IGF1R: variants seen among roughly 807,000 people sequenced by gnomAD.
IGF1R encodes insulin-like growth factor 1 receptor.
In IGF1R, 44 loss-of-function variants were observed where a neutral mutation model predicts 144.6. The ratio of observed to expected loss-of-function variants is 0.30; its 90% confidence interval spans 0.24 to 0.39. The LOEUF is 0.39. IGF1R is among the 10% of genes least tolerant of loss of function. The probability of loss-of-function intolerance (pLI) is 1.00; values close to 1 mark genes in which losing one functional copy is unlikely to be tolerated. For missense variants in IGF1R, 1,355 were observed against 1,833.7 expected (o/e 0.74, Z 4.77); for synonymous variants, 795 against 722.8 (o/e 1.10, Z -1.60).
chr15:98,918,918 A>G (rs1596449290), intron 10 of IGF1R, among the ~76,000 whole-genome samples: 1 of 150,794 alleles, frequency 6.6e-6, no homozygotes, highest in South Asian at 2.1e-4. Context: ...AGGGCCTGCG[A>G]GGCCCTCATG....
chr15:98,949,379 C>T (rs989282111), intron 20 of IGF1R, among the ~76,000 whole-genome samples: 6 of 135,336 alleles, frequency 4.4e-5, no homozygotes, highest in South Asian at 2.4e-4. Context: ...TCTCACTGCA[C>T]TTTTTTTTTT....
chr15:98,841,017 T>G (rs2011165048), intron 2 of IGF1R, among the ~76,000 whole-genome samples: 1 of 152,072 alleles, frequency 6.6e-6, no homozygotes, highest in South Asian at 2.1e-4. Context: ...GCTTGTAGCC[T>G]CCCGAAGTGC....
At chr15:98,739,591 A>G (rs1282199435) in intron 2 of IGF1R, among the ~76,000 whole-genome samples, 1 of 145,886 alleles carries the variant, frequency 6.9e-6, no homozygotes, top group East Asian at 2.0e-4. Flanking sequence ...AGCCTGTGAA[A>G]AATGGTACCT....
intron 2 of IGF1R, among the ~76,000 whole-genome samples, chr15:98,780,577 AGAGAG>A: frequency 1.1e-4 from 1 of 9,204 alleles, no homozygotes; most frequent in Non-Finnish European, 4.4e-4. Flanking sequence ...AAAAAAAAAG[AGAGAG>A]AGAGTAAATA....
intron 2 of IGF1R, among the ~76,000 whole-genome samples, chr15:98,840,368 T>C (rs1201338490): frequency 6.6e-6 from 1 of 152,254 alleles, no homozygotes; most frequent in Non-Finnish European, 1.5e-5. Context: ...TGTTATCATC[T>C]AAACCAATGG....
At chr15:98,833,459 C>T (rs914832659) in intron 2 of IGF1R, among the ~76,000 whole-genome samples, 3 of 152,112 alleles carry the variant, frequency 2.0e-5, no homozygotes, top group Non-Finnish European at 4.4e-5. Context: ...TGGAAGTGAG[C>T]GATTCTCTTT....
intron 15 of IGF1R, among the ~76,000 whole-genome samples, chr15:98,931,163 A>G (rs369230838): frequency 6.6e-6 from 1 of 152,184 alleles, no homozygotes; most frequent in African/African-American, 2.4e-5. Context: ...GGAGAATGGA[A>G]TCACTGTGGA....
intron 15 of IGF1R, among the ~76,000 whole-genome samples, chr15:98,931,910 A>G (rs886279259): frequency 6.6e-6 from 1 of 152,194 alleles, no homozygotes; most frequent in African/African-American, 2.4e-5. Context: ...TCTAAAAAGA[A>G]AATCAGTAAG....
Position 98,835,080 on chromosome 15 carries a change from T to TACACACACACACACACAC in IGF1R, c.641-56232_641-56215dup, listed in dbSNP as rs34443123. On this transcript the variant is annotated intron_variant, in intron 2 of 20. Transcript: ENST00000650285. ...GGCCAGGGCAAGAGAACACCCCCCCTACACACACACACACACACACACACA... is the reference window on the plus strand; with the variant it reads ...GGCCAGGGCAAGAGAACACCCCCCCTACACACACACACACACACACACACACACACACACACACACACA... Among the ~76,000 whole-genome samples the TACACACACACACACACAC allele has an allele frequency of 1.5e-3, 194 of 130,488 alleles. 4 individuals are homozygous for TACACACACACACACACAC. Among genetic ancestry groups the TACACACACACACACACAC allele is most frequent in the African/African-American group, 5.7e-3 (175 of 30,768 alleles). 85.6% of individuals were successfully genotyped at this position (130,488 alleles called of 152,430 possible). A position where few individuals can be genotyped will look rare whatever the true frequency, so the allele number is the denominator to read the frequency against.
chr15:98,962,466 A>G lies in IGF1R; in HGVS notation c.*5024A>G. On this transcript the variant is annotated 3_prime_UTR_variant, in exon 21 of 21. Coordinates refer to ENST00000650285, the MANE Select transcript of IGF1R (RefSeq NM_000875.5). ...CACTCTGAAGTAGCTGGTGGTACAA[A>G]TGAGAACTTCAAGAGAGGATGTTAT... The G allele has an allele frequency of 4.3e-6, 1 of 233,778 alleles. No individual in the cohort carries two copies. Among genetic ancestry groups the G allele is most frequent in the Non-Finnish European group, 8.5e-6 (1 of 118,060 alleles). 14.5% of individuals were successfully genotyped at this position (233,778 alleles called of 1,614,324 possible).
At chr15:98,713,450 A>G (rs1336314478) in intron 2 of IGF1R, among the ~76,000 whole-genome samples, 1 of 152,170 alleles carries the variant, frequency 6.6e-6, no homozygotes, top group Non-Finnish European at 1.5e-5. Context: ...GACCAGAATC[A>G]TCTGCAACTC....
intron 2 of IGF1R, among the ~76,000 whole-genome samples, chr15:98,822,682 C>T (rs534903815): frequency 5.5e-4 from 83 of 152,250 alleles, no homozygotes; most frequent in Admixed American, 1.4e-3. Context: ...CTCGAACTCT[C>T]CAAATTTTGT....
Position 98,960,635 on chromosome 15 carries a change from G to A in IGF1R, c.*3193G>A, listed in dbSNP as rs567836075. On this transcript the variant is annotated 3_prime_UTR_variant, in exon 21 of 21. Transcript: ENST00000650285. ...AGGAGGCTCGCGCTGAGGCAGGACC[G>A]TGCGGCCATGGCTGCTGCATTCATT... The A allele has an allele frequency of 1.1e-4, 26 of 233,422 alleles. 1 individual carries two copies. The highest frequency in any genetic ancestry group is 4.0e-4 in the African/African-American group (18 of 45,458). 14.5% of individuals were successfully genotyped at this position (233,422 alleles called of 1,614,324 possible). A position where few individuals can be genotyped will look rare whatever the true frequency, so the allele number is the denominator to read the frequency against.
intron 10 of IGF1R, 106 bp from the exon 11 acceptor site, chr15:98,922,042 C>T: frequency 4.8e-6 from 6 of 1,247,116 alleles, no homozygotes; most frequent in Non-Finnish European, 7.0e-6. Flanking sequence ...GGCTCAATAG[C>T]TCCTTCTATT....
chr15:98,689,234 C>T lies in IGF1R; in HGVS notation c.95-18328C>T, dbSNP rs928936195. 1.2e-4 allele frequency among the ~76,000 whole-genome samples: 12 copies of T among 100,928 alleles called. No homozygotes were observed. The East Asian group carries it at 2.5e-3, about 21-fold the overall frequency. The allele number at this position is 100,928 out of a possible 152,430, so 66.2% of individuals were successfully genotyped here. A position where few individuals can be genotyped will look rare whatever the true frequency, so the allele number is the denominator to read the frequency against. On this transcript the variant is annotated intron_variant, in intron 1 of 20. Transcript: ENST00000650285. ...CAAGCAGCTTTGGACAGTTGCACTA[C>T]TTTTTTTTTTTTTTTTTTTTTTTTG...
At position 98,916,727 on chromosome 15, in the gene IGF1R, A is replaced by C. The variant is rs1365057142; in HGVS notation, c.2052A>C (p.Thr684=). The change falls in exon 10 of 21, where the codon ACA becomes ACC. Residue 684 remains threonine (T), a synonymous_variant. Transcript: ENST00000650285. ...GCACCATCGACATTGAGGAGGTCAC[A>C]GAGAACCCCAAGACTGAGGTGTGTG... The part of the protein sequence containing the change: ...ADGTIDIEEV[T]ENPKTEVCGG... The C allele has an allele frequency of 6.2e-7, 1 of 1,614,154 alleles. No homozygotes were observed. The highest frequency in any genetic ancestry group is 8.5e-7 in the Non-Finnish European group (1 of 1,180,004).
intron 2 of IGF1R, among the ~76,000 whole-genome samples, chr15:98,854,980 C>T (rs965561445): frequency 7.9e-5 from 12 of 152,154 alleles, no homozygotes; most frequent in Admixed American, 2.0e-4. Flanking sequence ...CCCTGCCTTC[C>T]TAGTTCTGGA....
chr15:98,678,230 G>A lies in IGF1R; in HGVS notation c.94+28555G>A, dbSNP rs1018868461. Among the ~76,000 whole-genome samples the A allele has an allele frequency of 3.9e-5, 6 of 152,042 alleles. No individual in the cohort carries two copies. In the South Asian group the frequency reaches 6.2e-4, roughly 16 times the overall value. ...CCCGTGTTAAACTATTTTTGGTTGC[G>A]GTGGGTGGCTGTTTAAATTCCTAAT... On this transcript the variant is annotated intron_variant, in intron 1 of 20. Transcript: ENST00000650285.
chr15:98,916,267 T>G (rs886873734), intron 9 of IGF1R, 136 bp downstream of exon 9: 17 of 875,984 alleles, frequency 1.9e-5, no homozygotes, highest in Non-Finnish European at 2.6e-5. Flanking sequence ...TCTGGTTTTT[T>G]TTTTTTTTTT....
Sources: gnomAD v4.1 joint callset for allele counts (sites outside exome capture counted in the v4.1 genomes callset) on GRCh38, gnomAD v4.1.1 for gene constraint, MANE v1.5 for transcripts, NCBI Gene and HGNC (gene_info 2026-07-23, HGNC 2026-07-21) for gene names.